The following F13A1 variants were observed in gnomAD, a reference collection of about 807,000 sequenced individuals.
F13A1 encodes FSF, A subunit.
A neutral mutation model predicts 80.1 loss-of-function variants in F13A1; 47 were observed. The ratio of observed to expected loss-of-function variants is 0.59; its 90% confidence interval spans 0.46 to 0.75. The LOEUF (loss-of-function observed/expected upper bound fraction) is 0.75. F13A1 is among the 30% of genes least tolerant of loss of function. F13A1 has a pLI of 0.00. For missense variants in F13A1, 817 were observed against 930.4 expected (o/e 0.88, Z 1.59); for synonymous variants, 349 against 344.9 (o/e 1.01, Z -0.13).
intron 6 of F13A1, among the ~76,000 whole-genome samples, chr6:6,237,589 T>A (rs530544818): frequency 1.1e-4 from 17 of 152,338 alleles, no homozygotes; most frequent in African/African-American, 4.1e-4. Flanking sequence ...TGGTGCCCTA[T>A]TGATCCTTTA....
rs3024311 is a variant in F13A1 at position 6,320,601 on chromosome 6, C to G, written c.-33G>C. On this transcript the variant is annotated 5_prime_UTR_variant, in exon 1 of 15. Coordinates refer to ENST00000264870, the MANE Select transcript of F13A1 (RefSeq NM_000129.4). ...CGGTGGCTTACCTGCAGGCGCTCCCCTCCAGAGGTGCCCTCGCGTGGGCTT... is the reference window on the plus strand; with the variant it reads ...CGGTGGCTTACCTGCAGGCGCTCCCGTCCAGAGGTGCCCTCGCGTGGGCTT... The G allele has an allele frequency of 8.9e-4, 418 of 469,934 alleles. 3 individuals carry two copies. Among genetic ancestry groups the G allele is most frequent in the African/African-American group, 7.9e-3 (396 of 50,194 alleles). 29.1% of individuals were successfully genotyped at this position (469,934 alleles called of 1,614,324 possible).
At chr6:6,147,490 A>G (rs56988705) in intron 14 of F13A1, among the ~76,000 whole-genome samples, 6,379 of 152,278 alleles carry the variant, frequency 0.042, 451 homozygotes, top group African/African-American at 0.15. Flanking sequence ...TGCAGAGAGA[A>G]AATTCTCAGT....
chr6:6,290,957 G>A (rs1758216859), intron 3 of F13A1, among the ~76,000 whole-genome samples: 1 of 152,140 alleles, frequency 6.6e-6, no homozygotes, highest in Non-Finnish European at 1.5e-5. Context: ...AGTATGTTAT[G>A]TATGTGAAAA....
intron 14 of F13A1, among the ~76,000 whole-genome samples, chr6:6,146,842 C>A (rs2151066950): frequency 6.6e-6 from 1 of 152,250 alleles, no homozygotes; most frequent in African/African-American, 2.4e-5. Context: ...AAGGCTTTTT[C>A]TAAGATATTT....
rs370830244 is a variant in F13A1 at position 6,269,765 on chromosome 6, G to T, written c.320-2956C>A. On this transcript the variant is annotated intron_variant, in intron 3 of 14. Transcript: ENST00000264870. ...GTCTTGCACTGTTGCCCAGGCTGGA[G>T]TGCAGTGGTGCAATCTTGGCTCACT... is the stretch of plus-strand genomic sequence containing the variant. Among the ~76,000 whole-genome samples the T allele has an allele frequency of 2.1e-4, 32 of 152,004 alleles. No individual in the cohort carries two copies. In the East Asian group the frequency reaches 6.0e-3, roughly 29 times the overall value.
intron 13 of F13A1, among the ~76,000 whole-genome samples, chr6:6,158,293 C>A (rs1311529319): frequency 6.6e-6 from 1 of 152,126 alleles, no homozygotes; most frequent in Non-Finnish European, 1.5e-5. Flanking sequence ...AAGCTGGATG[C>A]AGGGGCTGAA....
At chr6:6,175,905 A>G (rs1268882315) in intron 11 of F13A1, among the ~76,000 whole-genome samples, 2 of 152,264 alleles carry the variant, frequency 1.3e-5, no homozygotes, top group East Asian at 3.8e-4. Flanking sequence ...GTGATGAGGC[A>G]GAAAATACAG....
chr6:6,190,195 T>C (rs1761160141), intron 10 of F13A1, among the ~76,000 whole-genome samples: 1 of 152,130 alleles, frequency 6.6e-6, no homozygotes, highest in Non-Finnish European at 1.5e-5. Context: ...CAGAGTAATT[T>C]GATCGTCTGA....
At chr6:6,278,751 TG>T (rs1386920696) in intron 3 of F13A1, among the ~76,000 whole-genome samples, 110 of 152,236 alleles carry the variant, frequency 7.2e-4, no homozygotes, top group African/African-American at 2.5e-3. Context: ...AGAAAGTTCC[TG>T]GAGCAGGGGA....
At chr6:6,170,992 T>G (rs13362686) in intron 12 of F13A1, among the ~76,000 whole-genome samples, 19,731 of 152,158 alleles carry the variant, frequency 0.13, 3,781 homozygotes, top group African/African-American at 0.42. Flanking sequence ...TCCTATGGAC[T>G]CAGGCATAGG....
intron 8 of F13A1, among the ~76,000 whole-genome samples, chr6:6,209,704 C>T (rs908152420): frequency 2.6e-5 from 4 of 152,124 alleles, no homozygotes; most frequent in East Asian, 1.9e-4. Context: ...ACAACACGGA[C>T]GAACCTTGAA....
intron 11 of F13A1, among the ~76,000 whole-genome samples, chr6:6,181,549 C>T (rs1018380102): frequency 2.6e-5 from 4 of 152,140 alleles, no homozygotes; most frequent in East Asian, 3.9e-4. Context: ...ACGTTGTAGT[C>T]TTCCATGATA....
intron 11 of F13A1, among the ~76,000 whole-genome samples, chr6:6,175,341 C>G (rs1318383461): frequency 6.6e-6 from 1 of 152,194 alleles, no homozygotes; most frequent in Non-Finnish European, 1.5e-5. Flanking sequence ...ACCTGTCTTC[C>G]TCATCTCTCC....
intron 4 of F13A1, among the ~76,000 whole-genome samples, chr6:6,254,735 A>G (rs1333013571): frequency 1.3e-5 from 2 of 152,220 alleles, no homozygotes; most frequent in Non-Finnish European, 2.9e-5. Context: ...AAAGAACAAT[A>G]TATTCAATTA....
chr6:6,285,630 C>G (rs1758126586), intron 3 of F13A1, among the ~76,000 whole-genome samples: 1 of 152,208 alleles, frequency 6.6e-6, no homozygotes, highest in South Asian at 2.1e-4. Context: ...GAGTAAATAC[C>G]TATGCTACAG....
chr6:6,210,198 C>A (rs1761576908), intron 8 of F13A1, among the ~76,000 whole-genome samples: 1 of 151,034 alleles, frequency 6.6e-6, no homozygotes. Flanking sequence ...CCATTGCAAT[C>A]CAGCTTGGGT....
intron 3 of F13A1, among the ~76,000 whole-genome samples, chr6:6,287,746 C>A (rs1313969989): frequency 6.6e-6 from 1 of 152,152 alleles, no homozygotes; most frequent in African/African-American, 2.4e-5. Flanking sequence ...GATGGCAATC[C>A]CACCTACTTT....
At chr6:6,291,822 C>T (rs1248529914) in intron 3 of F13A1, among the ~76,000 whole-genome samples, 1 of 152,172 alleles carries the variant, frequency 6.6e-6, no homozygotes, top group African/African-American at 2.4e-5. Context: ...TGAGCTTGCC[C>T]ACGTGTGTAT....
Position 6,162,412 on chromosome 6 carries a change from A to T in F13A1, c.1908+5046T>A, listed in dbSNP as rs1484669380. On this transcript the variant is annotated intron_variant, in intron 13 of 14. Transcript: ENST00000264870. This position sits in a 1 kb window ranked among gnomAD's most constrained non-coding sequence, Gnocchi z 4.2. The stretch of plus-strand genomic sequence containing the variant: ...GTTATCTGTTCATTGGAGACCATTC[A>T]TCTTTCTACAGTCTTAATTCTTGAT... Among the ~76,000 whole-genome samples the T allele has an allele frequency of 6.6e-6, 1 of 152,208 alleles. No individual in the cohort carries two copies. The highest frequency in any genetic ancestry group is 6.5e-5 in the Admixed American group (1 of 15,284).
Sources: allele counts gnomAD v4.1 joint callset (sites outside exome capture counted in the v4.1 genomes callset), GRCh38; gene constraint gnomAD v4.1.1; non-coding constraint Gnocchi (gnomAD v3.1); transcripts MANE v1.5; gene names NCBI Gene and HGNC (gene_info 2026-07-23, HGNC 2026-07-21).